Variants in ZNF678 observed in about 807,000 individuals in gnomAD.
ZNF678 encodes hypothetical protein MGC42493.
A neutral mutation model predicts 3.0 loss-of-function variants in ZNF678; 5 were observed. The observed-to-expected ratio is 1.69, with a 90% CI of 0.88 to 3.56. The LOEUF (loss-of-function observed/expected upper bound fraction) is 3.56. Ranked by LOEUF, ZNF678 falls within the 30% of genes most tolerant of loss-of-function variation. The pLI is 0.00. For missense variants in ZNF678, 593 were observed against 605.0 expected (o/e 0.98, Z 0.21); for synonymous variants, 218 against 199.6 (o/e 1.09, Z -0.78).
chr1:227,655,972 T>TATTGTAATCTTTTA lies in ZNF678; in HGVS notation c.*144_*145insATTGTAATCTTTTA. The stretch of plus-strand genomic sequence containing the variant: ...GAATGAAATTTATAAATATAAAAGA[T>TATTGTAATCTTTTA]TACAATATCTTTATTTCAAAGATCT... On this transcript the variant is annotated 3_prime_UTR_variant, in exon 4 of 4. Coordinates refer to ENST00000343776, the MANE Select transcript of ZNF678 (RefSeq NM_001367909.1). 1 of 567,766 alleles carries TATTGTAATCTTTTA rather than the reference T, an allele frequency of 1.8e-6. No individual in the cohort carries two copies. Among genetic ancestry groups the TATTGTAATCTTTTA allele is most frequent in the Non-Finnish European group, 2.8e-6 (1 of 356,770 alleles). 35.2% of individuals were successfully genotyped at this position (567,766 alleles called of 1,614,324 possible). A position where few individuals can be genotyped will look rare whatever the true frequency, so the allele number is the denominator to read the frequency against.
At chr1:227,599,012 A>G (rs1296540033) in intron 1 of ZNF678, 2 of 1,399,652 alleles carry the variant, frequency 1.4e-6, no homozygotes, top group African/African-American at 1.4e-5. Flanking sequence ...CTCCTCTTCT[A>G]GTTGCTCTTT....
At chr1:227,653,662 A>T (rs1328997044) in intron 3 of ZNF678, among the ~76,000 whole-genome samples, 2 of 152,078 alleles carry the variant, frequency 1.3e-5, no homozygotes, top group Non-Finnish European at 2.9e-5. Context: ...ATAGCCTCTC[A>T]AACCTCTTCT....
intron 1 of ZNF678, among the ~76,000 whole-genome samples, chr1:227,622,824 A>G (rs1177262525): frequency 6.6e-6 from 1 of 152,200 alleles, no homozygotes. Context: ...CCCAGCCATC[A>G]GTCATCTCTT....
chr1:227,650,913 T>C, intron 2 of ZNF678, 43 bp from the exon 3 acceptor site: 1 of 1,486,908 alleles, frequency 6.7e-7, no homozygotes, highest in Non-Finnish European at 9.1e-7. Context: ...TTTTCAATTT[T>C]TATGGCTTTT....
At chr1:227,609,986 G>C (rs992963608) in intron 1 of ZNF678, among the ~76,000 whole-genome samples, 2 of 152,056 alleles carry the variant, frequency 1.3e-5, no homozygotes, top group African/African-American at 2.4e-5. Context: ...GCCCGCCTCC[G>C]CTTCCCAAAG....
At chr1:227,604,500 C>T (rs1049319551) in intron 1 of ZNF678, among the ~76,000 whole-genome samples, 5 of 152,138 alleles carry the variant, frequency 3.3e-5, no homozygotes, top group Admixed American at 6.5e-5. Flanking sequence ...ATCTTCCTGC[C>T]TCAGCCACCT....
chr1:227,637,348 C>T (rs539973716), intron 1 of ZNF678, among the ~76,000 whole-genome samples: 6 of 152,238 alleles, frequency 3.9e-5, no homozygotes, highest in Non-Finnish European at 5.9e-5. Flanking sequence ...TAGTACATTG[C>T]GGTGAGCTAG....
At chr1:227,566,725 T>G (rs1571851279) in intron 1 of ZNF678, among the ~76,000 whole-genome samples, 1 of 152,246 alleles carries the variant, frequency 6.6e-6, no homozygotes, top group African/African-American at 2.4e-5. Context: ...CTTGAAAGGT[T>G]AGAAAATATT....
In ZNF678 at chr1:227,607,263, T is replaced by C. The variant is rs532600129; in HGVS notation, c.-163-39281T>C. Reference sequence around the variant, plus strand: ...GTCTCTAGATTCTCATGGCAGTTGATATTTTAAAATAATGTGAAAAAATGA... The same window carrying C: ...GTCTCTAGATTCTCATGGCAGTTGACATTTTAAAATAATGTGAAAAAATGA... On this transcript the variant is annotated intron_variant, in intron 1 of 3. Transcript: ENST00000343776. Among the ~76,000 whole-genome samples the C allele has an allele frequency of 3.7e-4, 56 of 152,380 alleles. No homozygotes were observed. In the South Asian group the frequency reaches 0.011, roughly 30 times the overall value.
At chr1:227,625,752 C>T (rs1658396201) in intron 1 of ZNF678, among the ~76,000 whole-genome samples, 1 of 152,014 alleles carries the variant, frequency 6.6e-6, no homozygotes. Context: ...GTGCTTTGTA[C>T]CCTGGTCAGT....
At chr1:227,669,751 G>A (rs1461311616) in intron 5 of ZNF678, among the ~76,000 whole-genome samples, 1 of 152,122 alleles carries the variant, frequency 6.6e-6, no homozygotes, top group Non-Finnish European at 1.5e-5. Flanking sequence ...CCCCGTTGGT[G>A]AGAATGTAAA....
In ZNF678 at chr1:227,658,308, G is replaced by T. The variant is rs1659302614; in HGVS notation, c.*2480G>T. 1 of 152,048 alleles carries T rather than the reference G, an allele frequency of 6.6e-6. No individual in the cohort carries two copies. Among genetic ancestry groups the T allele is most frequent in the Non-Finnish European group, 1.5e-5 (1 of 67,956 alleles). The allele number at this position is 152,048 out of a possible 1,614,324, so 9.4% of individuals were successfully genotyped here. ...AAATGAGGTGAACAAACACAGGAAA[G>T]TGCTAGGTTTCCTGGGGGTATAATA... On this transcript the variant is annotated 3_prime_UTR_variant, in exon 4 of 4. Transcript: ENST00000343776.
At position 227,638,026 on chromosome 1, in the gene ZNF678, CAT is replaced by C. The variant is rs1329169766; in HGVS notation, c.-163-8515_-163-8514del. Reference sequence around the variant, plus strand: ...GGGCTACACAGGAGCAGATTGTTAACATATTGAAGGAGAGTGGACGGTTTTAG... The same window carrying C: ...GGGCTACACAGGAGCAGATTGTTAACATTGAAGGAGAGTGGACGGTTTTAG... On this transcript the variant is annotated intron_variant, in intron 1 of 3. Transcript: ENST00000343776. The surrounding 1 kb of genome is among the most constrained non-coding windows in gnomAD (Gnocchi z 4.2). Among the ~76,000 whole-genome samples, 1 of 152,068 alleles carries C rather than the reference CAT, an allele frequency of 6.6e-6. No individual in the cohort carries two copies. The highest frequency in any genetic ancestry group is 1.5e-5 in the Non-Finnish European group (1 of 68,014).
At chr1:227,607,084 C>T (rs1657890767) in intron 1 of ZNF678, among the ~76,000 whole-genome samples, 1 of 152,118 alleles carries the variant, frequency 6.6e-6, no homozygotes, top group Non-Finnish European at 1.5e-5. Context: ...ATCAGTGATG[C>T]CATCCAGATC....
chr1:227,652,694 A>C (rs1440347919), intron 3 of ZNF678, among the ~76,000 whole-genome samples: 1 of 152,102 alleles, frequency 6.6e-6, no homozygotes, highest in Non-Finnish European at 1.5e-5. Context: ...CATATTATTG[A>C]TGTCACTAAT....
In ZNF678 at chr1:227,638,060, G is replaced by A. The variant is rs2102788122; in HGVS notation, c.-163-8484G>A. ...GGAGAGTGGACGGTTTTAGGGATAA[G>A]GTAGAGAGGTCGTGAGCAAGGGCCT... is the stretch of plus-strand genomic sequence containing the variant. On this transcript the variant is annotated intron_variant, in intron 1 of 3. Coordinates refer to ENST00000343776, the MANE Select transcript of ZNF678 (RefSeq NM_001367909.1). The surrounding 1 kb of genome is among the most constrained non-coding windows in gnomAD (Gnocchi z 4.2). Among the ~76,000 whole-genome samples, 1 of 152,286 alleles carries A rather than the reference G, an allele frequency of 6.6e-6. No individual in the cohort carries two copies. Among genetic ancestry groups the A allele is most frequent in the South Asian group, 2.1e-4 (1 of 4,828 alleles).
chr1:227,568,269 C>G (rs1009751039), intron 1 of ZNF678, among the ~76,000 whole-genome samples: 1 of 152,018 alleles, frequency 6.6e-6, no homozygotes, highest in African/African-American at 2.4e-5. Context: ...AAAAATTTGC[C>G]ACCTCCAGCA....
chr1:227,599,647 A>G (rs1438402371), intron 1 of ZNF678, among the ~76,000 whole-genome samples: 1 of 152,172 alleles, frequency 6.6e-6, no homozygotes, highest in Non-Finnish European at 1.5e-5. Context: ...AGTAGTTGCT[A>G]TTAGAGAATT....
chr1:227,663,340 T>C (rs1571925203), downstream of ZNF678, among the ~76,000 whole-genome samples: 1 of 152,234 alleles, frequency 6.6e-6, no homozygotes, highest in African/African-American at 2.4e-5. Context: ...TCCACCAGCA[T>C]TGAAAGGCTG....
Sources: allele counts gnomAD v4.1 joint callset (sites outside exome capture counted in the v4.1 genomes callset), GRCh38; gene constraint gnomAD v4.1.1; non-coding constraint Gnocchi (gnomAD v3.1); transcripts MANE v1.5; gene names NCBI Gene and HGNC (gene_info 2026-07-23, HGNC 2026-07-21).